RAD52: variants seen among roughly 807,000 people sequenced by gnomAD.
The protein encoded by RAD52 is RAD52 DNA repair protein, also known as DNA repair protein RAD52 homolog.
A neutral mutation model predicts 55.5 loss-of-function variants in RAD52; 47 were observed. The observed-to-expected ratio is 0.85, with a 90% CI of 0.67 to 1.08. RAD52 has a LOEUF of 1.08. RAD52 is among the 50% of genes least tolerant of loss of function. The pLI is 0.00. For synonymous variants in RAD52, 184 were observed against 198.9 expected (o/e 0.92, Z 0.63); for missense variants, 468 against 522.8 (o/e 0.90, Z 1.02).
chr12:925,008 T>G (rs1242728754), intron 7 of RAD52, among the ~76,000 whole-genome samples: 3 of 148,924 alleles, frequency 2.0e-5, no homozygotes, highest in Non-Finnish European at 4.4e-5. Context: ...TGGAGTGCAG[T>G]GGTGCCATCT....
At position 912,722 on chromosome 12, in the gene RAD52, CAAAAAAAAAAAA is replaced by C. The variant is rs60090525; in HGVS notation, c.*657_*668del. On this transcript the variant is annotated 3_prime_UTR_variant, in exon 12 of 12. Transcript: ENST00000358495. ...AGGGCAACACAGCCAGACCCCGTCTCAAAAAAAAAAAAAAAAAAAAAAACAAAAAACAGCCTT... is the reference window on the plus strand; with the variant it reads ...AGGGCAACACAGCCAGACCCCGTCTCAAAAAAAAAAACAAAAAACAGCCTT... The C allele has an allele frequency of 4.1e-5, 3 of 73,164 alleles. No homozygotes were observed. The highest frequency in any genetic ancestry group is 1.0e-4 in the African/African-American group (2 of 19,908). The allele number at this position is 73,164 out of a possible 1,614,324, so 4.5% of individuals were successfully genotyped here. A position where few individuals can be genotyped will look rare whatever the true frequency, so the allele number is the denominator to read the frequency against.
chr12:975,019 G>A (rs1958917244), intron 1 of RAD52: 1 of 152,148 alleles, frequency 6.6e-6, no homozygotes, highest in Non-Finnish European at 1.5e-5. Context: ...TTTTGAGAGG[G>A]AGAAACCACA....
At chr12:957,926 T>C (rs1958630559) in intron 1 of RAD52, among the ~76,000 whole-genome samples, 1 of 152,290 alleles carries the variant, frequency 6.6e-6, no homozygotes, top group South Asian at 2.1e-4. Context: ...TCATTTGTTT[T>C]GCTGAATCTC....
chr12:954,790 CTT>C (rs777758845), intron 1 of RAD52, among the ~76,000 whole-genome samples: 13 of 152,188 alleles, frequency 8.5e-5, no homozygotes, highest in Admixed American at 5.2e-4. Context: ...ATAGAGTACT[CTT>C]TTTAATTGGA....
upstream of RAD52, among the ~76,000 whole-genome samples, chr12:990,883 C>G: frequency 6.6e-6 from 1 of 151,988 alleles, no homozygotes; most frequent in East Asian, 1.9e-4. Context: ...CAAGCGCCAC[C>G]CTGCGCTCGC....
intron 1 of RAD52, among the ~76,000 whole-genome samples, chr12:947,895 A>C (rs1436997715): frequency 1.3e-5 from 2 of 149,386 alleles, no homozygotes; most frequent in African/African-American, 2.5e-5. Flanking sequence ...TCAAAAAAAA[A>C]AAAAAAACAA....
At chr12:940,610 T>TAAAAC (rs752043486) in intron 1 of RAD52, among the ~76,000 whole-genome samples, 32 of 151,686 alleles carry the variant, frequency 2.1e-4, no homozygotes, top group South Asian at 6.3e-4. Flanking sequence ...AGACTCCGTC[T>TAAAAC]AAAACAAAAC....
chr12:967,522 T>C (rs958375330), intron 1 of RAD52, among the ~76,000 whole-genome samples: 1 of 151,924 alleles, frequency 6.6e-6, no homozygotes, highest in Non-Finnish European at 1.5e-5. Flanking sequence ...CCATCCTGGA[T>C]TTTACGGTTA....
chr12:934,308 C>G (rs866403516), intron 1 of RAD52, among the ~76,000 whole-genome samples: 7 of 151,246 alleles, frequency 4.6e-5, no homozygotes, highest in Admixed American at 2.0e-4. Context: ...TATAAAAATA[C>G]AAAAATTAGC....
chr12:946,040 C>A (rs941396979), intron 1 of RAD52, among the ~76,000 whole-genome samples: 3 of 151,856 alleles, frequency 2.0e-5, no homozygotes, highest in Non-Finnish European at 4.4e-5. Flanking sequence ...AACAAAAAAA[C>A]ACGGTGGGAA....
chr12:914,616 T>G, intron 9 of RAD52, 84 bp from the exon 10 acceptor site: 1 of 1,509,128 alleles, frequency 6.6e-7, no homozygotes, highest in African/African-American at 1.4e-5. Flanking sequence ...TCCCCTCTTG[T>G]TAGAGGGAAC....
chr12:968,400 G>C (rs1039742133), intron 1 of RAD52, among the ~76,000 whole-genome samples: 1 of 152,056 alleles, frequency 6.6e-6, no homozygotes, highest in African/African-American at 2.4e-5. Flanking sequence ...AATGGGGTTA[G>C]AGCACCTTCA....
rs1239858843 is a variant in RAD52, at chr12:941,073, C to G, written c.-18-7997G>C. ...CAGATTTAAGAAGCTCTGCAAATCT[C>G]AAGAATAAATCTCCGGATAAATACA... On this transcript the variant is annotated intron_variant, in intron 1 of 11. Transcript: ENST00000358495. 1.3e-5 allele frequency among the ~76,000 whole-genome samples: 2 copies of G among 152,052 alleles called. 1 individual carries two copies. Among genetic ancestry groups the G allele is most frequent in the Admixed American group, 1.3e-4 (2 of 15,262 alleles).
Position 929,804 on chromosome 12 carries a change from A to T in RAD52, c.348+15T>A. On this transcript the variant is annotated intron_variant, in intron 5 of 11. Coordinates refer to ENST00000358495, the MANE Select transcript of RAD52 (RefSeq NM_134424.4). ...ACTGATCCTTCCGGGCAGCAGGTCT[A>T]CTCCATCCCCTCACCTTCAGCTGGA... 6.2e-7 allele frequency: 1 copy of T among 1,607,908 alleles called. No individual in the cohort carries two copies. The highest frequency in any genetic ancestry group is 8.5e-7 in the Non-Finnish European group (1 of 1,175,552).
intron 9 of RAD52, 158 bp downstream of exon 9, chr12:916,186 A>G: frequency 7.1e-7 from 1 of 1,399,124 alleles, no homozygotes; most frequent in Non-Finnish European, 9.2e-7. Context: ...AAATATCTGA[A>G]TTTCCTGGGC....
At chr12:923,553 T>G (rs1223014440) in intron 7 of RAD52, among the ~76,000 whole-genome samples, 2 of 140,374 alleles carry the variant, frequency 1.4e-5, no homozygotes, top group African/African-American at 5.4e-5. Context: ...GAGCAAGACC[T>G]CATCTTTCAT....
intron 1 of RAD52, among the ~76,000 whole-genome samples, chr12:980,504 G>C (rs1394122257): frequency 6.6e-6 from 1 of 151,730 alleles, no homozygotes; most frequent in Admixed American, 6.6e-5. Flanking sequence ...ATGTTGGCCA[G>C]GCTGGTCTCG....
At chr12:948,887 C>T (rs10774473) in intron 1 of RAD52, among the ~76,000 whole-genome samples, 107,821 of 151,556 alleles carry the variant, frequency 0.71, 38,825 homozygotes, top group South Asian at 0.85. Context: ...TTAGTAGAGA[C>T]GGGGTTTCGC....
intron 1 of RAD52, among the ~76,000 whole-genome samples, chr12:973,780 TTC>T (rs1470877980): frequency 0.027 from 3,419 of 128,940 alleles, 171 homozygotes; most frequent in African/African-American, 0.1. Context: ...CGCCCAGTCC[TTC>T]TTTTTTTTTT....
Sources: allele counts gnomAD v4.1 joint callset (sites outside exome capture counted in the v4.1 genomes callset), GRCh38; gene constraint gnomAD v4.1.1; transcripts MANE v1.5; gene names NCBI Gene and HGNC (gene_info 2026-07-23, HGNC 2026-07-21).